LARGE1: variants seen among roughly 807,000 people sequenced by gnomAD.
LARGE1 encodes the protein xylosyl- and glucuronyltransferase LARGE1.
A neutral mutation model predicts 87.6 loss-of-function variants in LARGE1; 43 were observed. That is an observed-to-expected ratio of 0.49 (90% CI 0.38 to 0.63). The LOEUF (loss-of-function observed/expected upper bound fraction) is 0.63. Ranked by LOEUF, LARGE1 falls within the 30% of genes least tolerant of loss-of-function variation. The pLI, the probability that LARGE1 is intolerant of heterozygous loss-of-function variation, is 0.00. For synonymous variants in LARGE1, 434 were observed against 394.6 expected, an observed-to-expected ratio of 1.10 and a Z score of -1.18; for missense variants, 802 against 1,000.2, an observed-to-expected ratio of 0.80 and a Z score of 2.67.
At chr22:33,633,360 A>G (rs2080168007) in intron 3 of LARGE1, among the ~76,000 whole-genome samples, 1 of 152,160 alleles carries the variant, frequency 6.6e-6, no homozygotes, top group African/African-American at 2.4e-5. Context: ...GCAACCAGTG[A>G]TATTAGGGCC....
At chr22:33,898,111 T>C (rs1427900918) in intron 1 of LARGE1, among the ~76,000 whole-genome samples, 2 of 152,216 alleles carry the variant, frequency 1.3e-5, no homozygotes, top group Non-Finnish European at 2.9e-5. Flanking sequence ...CCAAGAGGAC[T>C]ATGCAGTTTC....
intron 1 of LARGE1, among the ~76,000 whole-genome samples, chr22:33,874,647 G>A (rs2064408663): frequency 6.6e-6 from 1 of 152,164 alleles, no homozygotes; most frequent in African/African-American, 2.4e-5. Context: ...AACGATCACT[G>A]GAAAGTGTGG....
chr22:33,310,276 T>A (rs1032116669), intron 11 of LARGE1, among the ~76,000 whole-genome samples: 3 of 152,192 alleles, frequency 2.0e-5, no homozygotes, highest in African/African-American at 7.2e-5. Flanking sequence ...AGCAGAGAAG[T>A]GACCTGTCAT....
chr22:33,860,866 C>T (rs1048117499), intron 1 of LARGE1, among the ~76,000 whole-genome samples: 1 of 152,138 alleles, frequency 6.6e-6, no homozygotes. Flanking sequence ...CGGGGAACAC[C>T]GTGGGCGCAG....
At chr22:33,375,378 T>A (rs1381216371) in intron 9 of LARGE1, among the ~76,000 whole-genome samples, 1 of 152,150 alleles carries the variant, frequency 6.6e-6, no homozygotes, top group Admixed American at 6.6e-5. Context: ...TAACATTTGC[T>A]CTCTCTGCCT....
chr22:33,113,773 C>T, the LARGE1 span, among the ~76,000 whole-genome samples: 4 of 152,288 alleles, frequency 2.6e-5, no homozygotes, highest in East Asian at 1.9e-4. Flanking sequence ...TAGAACCACA[C>T]TCTCGTTCAA....
chr22:33,921,174 G>A (rs936221505), upstream of LARGE1, among the ~76,000 whole-genome samples: 1 of 151,874 alleles, frequency 6.6e-6, no homozygotes, highest in Non-Finnish European at 1.5e-5. The surrounding 1 kb of genome is among the most constrained non-coding windows in gnomAD (Gnocchi z 4.1). Flanking sequence ...GTTCGCCCCC[G>A]CACAGGCTCC....
intron 1 of LARGE1, among the ~76,000 whole-genome samples, chr22:33,917,542 G>T (rs12628347): frequency 0.023 from 3,431 of 152,266 alleles, 52 homozygotes; most frequent in East Asian, 0.058. Flanking sequence ...ACATTTTGAA[G>T]CCATGTGATT....
At chr22:33,413,110 G>A (rs994756162) in intron 7 of LARGE1, among the ~76,000 whole-genome samples, 1 of 152,040 alleles carries the variant, frequency 6.6e-6, no homozygotes, top group Non-Finnish European at 1.5e-5. Flanking sequence ...ATGTGAATAT[G>A]AGTTGTCAAA....
At chr22:33,208,868 A>C (rs942105101) in intron 11 of LARGE1, among the ~76,000 whole-genome samples, 3 of 152,196 alleles carry the variant, frequency 2.0e-5, no homozygotes, top group Non-Finnish European at 4.4e-5. Context: ...GATAGCTTCT[A>C]GCTTCATCCA....
intron 6 of LARGE1, among the ~76,000 whole-genome samples, chr22:33,502,574 G>A (rs186562438): frequency 1.0e-3 from 157 of 149,970 alleles, no homozygotes; most frequent in African/African-American, 3.4e-3. Flanking sequence ...ATCCTGCCAC[G>A]TGCTTTTTTT....
intron 2 of LARGE1, among the ~76,000 whole-genome samples, chr22:33,712,636 CA>C (rs2082766708): frequency 9.9e-6 from 1 of 101,448 alleles, no homozygotes; most frequent in African/African-American, 4.3e-5. Flanking sequence ...GTGAGGGGTA[CA>C]GTGTGTGTGT....
At chr22:33,462,225 G>A (rs992248649) in intron 6 of LARGE1, among the ~76,000 whole-genome samples, 5 of 152,208 alleles carry the variant, frequency 3.3e-5, no homozygotes, top group African/African-American at 1.2e-4. Context: ...TAAGCCTTAA[G>A]GGAGTGGAAT....
At chr22:33,692,134 A>G (rs1473714820) in intron 2 of LARGE1, among the ~76,000 whole-genome samples, 3 of 152,132 alleles carry the variant, frequency 2.0e-5, no homozygotes, top group African/African-American at 7.2e-5. Flanking sequence ...TTTCCAATCA[A>G]TGTCCAAAAT....
At chr22:33,342,329 A>G (rs1329965861) in intron 9 of LARGE1, among the ~76,000 whole-genome samples, 1 of 152,230 alleles carries the variant, frequency 6.6e-6, no homozygotes, top group Non-Finnish European at 1.5e-5. Context: ...GGGCTGGCCT[A>G]TGGACCCCGC....
chr22:33,838,480 A>C (rs1026693226), intron 1 of LARGE1, among the ~76,000 whole-genome samples: 2 of 152,150 alleles, frequency 1.3e-5, no homozygotes, highest in Non-Finnish European at 2.9e-5. Flanking sequence ...CTCTACAAAA[A>C]GTTTAAAGAT....
intron 2 of LARGE1, among the ~76,000 whole-genome samples, chr22:33,691,642 T>G (rs749217974): frequency 1.1e-4 from 16 of 152,192 alleles, no homozygotes; most frequent in Non-Finnish European, 7.3e-5. Context: ...GCCCCATTAA[T>G]CTAAGATTCC....
At chr22:33,141,809 C>T in the LARGE1 span, among the ~76,000 whole-genome samples, 1 of 152,142 alleles carries the variant, frequency 6.6e-6, no homozygotes, top group African/African-American at 2.4e-5. Context: ...GTTTTGTCTG[C>T]TAAATCTAAT....
chr22:33,618,391 CTA>C (rs2149041960), intron 4 of LARGE1, among the ~76,000 whole-genome samples: 1 of 152,320 alleles, frequency 6.6e-6, no homozygotes, highest in South Asian at 2.1e-4. Flanking sequence ...CTTGAACAAA[CTA>C]TTTAACTTCC....
Sources: allele counts gnomAD v4.1 joint callset (sites outside exome capture counted in the v4.1 genomes callset), GRCh38; gene constraint gnomAD v4.1.1; non-coding constraint Gnocchi (gnomAD v3.1); transcripts MANE v1.5; gene names NCBI Gene and HGNC (gene_info 2026-07-23, HGNC 2026-07-21).